The following PIP5K1A variants were observed in gnomAD, a reference collection of about 807,000 sequenced individuals.
PIP5K1A encodes the protein phosphatidylinositol-4-phosphate 5-kinase type 1 alpha, also known as phosphatidylinositol 4-phosphate 5-kinase type-1 alpha.
PIP5K1A carries 46 observed loss-of-function variants against 72.9 expected under a neutral mutation model. The ratio of observed to expected loss-of-function variants is 0.63; its 90% CI spans 0.50 to 0.81. PIP5K1A has a LOEUF of 0.81. Ranked by LOEUF, PIP5K1A falls within the 30% of genes least tolerant of loss-of-function variation. The pLI is 0.00. For synonymous variants in PIP5K1A, 228 were observed against 255.1 expected (o/e 0.89, Z 1.01); for missense variants, 458 against 706.1 (o/e 0.65, Z 3.98).
chr1:151,246,228 CAG>C (rs1379494637), intron 14 of PIP5K1A, among the ~76,000 whole-genome samples: 1 of 152,142 alleles, frequency 6.6e-6, no homozygotes, highest in Non-Finnish European at 1.5e-5. Context: ...GCCTGGGCGA[CAG>C]AGCGAGATCT....
chr1:151,244,474 C>T (rs1692206075), intron 14 of PIP5K1A, among the ~76,000 whole-genome samples: 1 of 151,992 alleles, frequency 6.6e-6, no homozygotes, highest in Non-Finnish European at 1.5e-5. Context: ...AGCAACATGG[C>T]GAAACCCCAT....
At chr1:151,245,620 C>G (rs1213941639) in intron 14 of PIP5K1A, among the ~76,000 whole-genome samples, 1 of 152,162 alleles carries the variant, frequency 6.6e-6, no homozygotes, top group African/African-American at 2.4e-5. Flanking sequence ...ATTGCAACTT[C>G]CGCCTCCCAG....
Position 151,249,004 on chromosome 1 carries a change from C to T in PIP5K1A, c.*1139C>T, listed in dbSNP as rs587630460. 3 of 152,214 alleles carry T rather than the reference C, an allele frequency of 2.0e-5. No individual in the cohort carries two copies. Among genetic ancestry groups the T allele is most frequent in the African/African-American group, 7.2e-5 (3 of 41,428 alleles). 9.4% of individuals were successfully genotyped at this position (152,214 alleles called of 1,614,324 possible). A position where few individuals can be genotyped will look rare whatever the true frequency, so the allele number is the denominator to read the frequency against. The stretch of plus-strand genomic sequence containing the variant: ...ATTGCTGTGCCATATGTCCTACCCC[C>T]CTGTCTTCATGCAGGGAAGTTGGAA... On this transcript the variant is annotated 3_prime_UTR_variant, in exon 16 of 16. Transcript: ENST00000368888.
intron 1 of PIP5K1A, among the ~76,000 whole-genome samples, chr1:151,213,961 T>C (rs1362321116): frequency 6.6e-6 from 1 of 152,196 alleles, no homozygotes; most frequent in African/African-American, 2.4e-5. Context: ...TGGTCATCTT[T>C]TAACATTTTG....
intron 1 of PIP5K1A, among the ~76,000 whole-genome samples, chr1:151,216,411 G>A (rs1687625766): frequency 6.6e-6 from 1 of 150,566 alleles, no homozygotes; most frequent in African/African-American, 2.4e-5. Context: ...CTTCTTCTAA[G>A]AAGGCTGTGG....
intron 1 of PIP5K1A, among the ~76,000 whole-genome samples, chr1:151,219,274 G>A (rs587670999): frequency 4.6e-5 from 7 of 151,940 alleles, no homozygotes; most frequent in South Asian, 2.1e-4. Flanking sequence ...CTGGCTACTC[G>A]GGAGGCTGAG....
chr1:151,210,689 G>T (rs1402355661), intron 1 of PIP5K1A, among the ~76,000 whole-genome samples: 1 of 152,100 alleles, frequency 6.6e-6, no homozygotes, highest in East Asian at 1.9e-4. Flanking sequence ...GGGTTCAAGT[G>T]ATTCTCCTGC....
chr1:151,245,488 A>G (rs1692363620), intron 14 of PIP5K1A, among the ~76,000 whole-genome samples: 1 of 152,050 alleles, frequency 6.6e-6, no homozygotes, highest in South Asian at 2.1e-4. Context: ...GTTTTTCGAG[A>G]TGGAGTCTCA....
chr1:151,222,080 A>G (rs1688469824), intron 1 of PIP5K1A, among the ~76,000 whole-genome samples: 1 of 152,108 alleles, frequency 6.6e-6, no homozygotes, highest in Non-Finnish European at 1.5e-5. Context: ...TTGTGAGACC[A>G]TGTCTCAAAG....
chr1:151,239,243 C>A, intron 11 of PIP5K1A, 65 bp downstream of exon 11: 5 of 987,352 alleles, frequency 5.1e-6, no homozygotes, highest in Non-Finnish European at 7.7e-6. Flanking sequence ...TGATTGGCCT[C>A]AGTTTCTTGC....
chr1:151,239,108 G>A (rs201338201), intron 10 of PIP5K1A, 22 bp from the exon 11 acceptor site: 6 of 1,583,660 alleles, frequency 3.8e-6, no homozygotes, highest in Middle Eastern at 1.7e-4. Flanking sequence ...ACGTGAGTAG[G>A]TGATGTACAT....
chr1:151,220,856 C>G (rs140862559), intron 1 of PIP5K1A, among the ~76,000 whole-genome samples: 97 of 152,276 alleles, frequency 6.4e-4, no homozygotes, highest in African/African-American at 2.3e-3. Flanking sequence ...TATTTTAAAG[C>G]AAGCCCAGTC....
chr1:151,225,618 C>T (rs587759519), intron 3 of PIP5K1A, among the ~76,000 whole-genome samples: 5 of 151,662 alleles, frequency 3.3e-5, no homozygotes, highest in Admixed American at 6.6e-5. Flanking sequence ...TACAGGTGCA[C>T]GCCACCATGC....
intron 4 of PIP5K1A, among the ~76,000 whole-genome samples, chr1:151,228,011 C>A (rs946774370): frequency 1.3e-5 from 2 of 152,186 alleles, no homozygotes; most frequent in African/African-American, 4.8e-5. Context: ...CTTATCTTAC[C>A]ACAGGGAACC....
At chr1:151,219,751 C>T (rs932117366) in intron 1 of PIP5K1A, among the ~76,000 whole-genome samples, 3 of 152,000 alleles carry the variant, frequency 2.0e-5, no homozygotes, top group Admixed American at 1.3e-4. Context: ...TGCTTCTAAT[C>T]CCCGTACTTT....
chr1:151,204,338 G>A (rs1236969462), intron 1 of PIP5K1A, among the ~76,000 whole-genome samples: 1 of 152,090 alleles, frequency 6.6e-6, no homozygotes, highest in Non-Finnish European at 1.5e-5. Flanking sequence ...CAACACGCCC[G>A]GCTAATTTTT....
At chr1:151,206,267 T>C (rs1373013016) in intron 1 of PIP5K1A, among the ~76,000 whole-genome samples, 2 of 152,212 alleles carry the variant, frequency 1.3e-5, no homozygotes, top group Non-Finnish European at 2.9e-5. Context: ...TTTACAAATA[T>C]CTAATTCCTG....
chr1:151,224,542 T>G (rs934116089), intron 3 of PIP5K1A, 136 bp downstream of exon 3: 7 of 695,102 alleles, frequency 1.0e-5, no homozygotes, highest in Non-Finnish European at 1.5e-5. Flanking sequence ...TAAGTGCCCT[T>G]TAAGATATTC....
intron 4 of PIP5K1A, among the ~76,000 whole-genome samples, 191 bp from the exon 5 acceptor site, chr1:151,231,480 C>CT (rs1690063700): frequency 6.6e-6 from 1 of 152,138 alleles, no homozygotes; most frequent in Non-Finnish European, 1.5e-5. Context: ...TCCTTCCAAT[C>CT]TTTACTAAGC....
Sources: allele counts gnomAD v4.1 joint callset (sites outside exome capture counted in the v4.1 genomes callset), GRCh38; gene constraint gnomAD v4.1.1; transcripts MANE v1.5; gene names NCBI Gene and HGNC (gene_info 2026-07-23, HGNC 2026-07-21).